NXPH1: variants seen among roughly 807,000 people sequenced by gnomAD.
NXPH1 encodes the protein neurexophilin 1.
In NXPH1, 5 loss-of-function variants were observed where a neutral mutation model predicts 23.7. That is an observed-to-expected ratio of 0.21 (90% CI 0.11 to 0.44). The LOEUF is 0.44. Among genes scored for constraint, NXPH1 ranks in the 20% least tolerant of loss-of-function variants. NXPH1 has a pLI of 0.99. For synonymous variants in NXPH1, 144 were observed against 122.2 expected, an observed-to-expected ratio of 1.18 and a Z score of -1.18; for missense variants, 324 against 321.6, an observed-to-expected ratio of 1.01 and a Z score of -0.06.
chr7:8,449,429 G>A (rs1023900405), intron 2 of NXPH1, among the ~76,000 whole-genome samples: 1 of 152,192 alleles, frequency 6.6e-6, no homozygotes, highest in Non-Finnish European at 1.5e-5. Flanking sequence ...TTTGAGGCAA[G>A]CACTGTGCCA....
intron 2 of NXPH1, among the ~76,000 whole-genome samples, chr7:8,587,117 G>T (rs1280489657): frequency 1.3e-5 from 2 of 152,028 alleles, no homozygotes; most frequent in African/African-American, 4.8e-5. Flanking sequence ...AATTCAAAAT[G>T]ACATTTCATT....
chr7:8,749,241 CTCACTCAA>C (rs1318469859), intron 2 of NXPH1, among the ~76,000 whole-genome samples: 21 of 152,316 alleles, frequency 1.4e-4, no homozygotes, highest in African/African-American at 4.6e-4. Context: ...ACCTGTTTAG[CTCACTCAA>C]TCCTCACAAA....
intron 2 of NXPH1, among the ~76,000 whole-genome samples, chr7:8,748,709 G>C (rs1562474045): frequency 6.6e-6 from 1 of 152,070 alleles, no homozygotes; most frequent in East Asian, 1.9e-4. Flanking sequence ...AGAGTTCACA[G>C]TTTTTTTTGT....
intron 2 of NXPH1, among the ~76,000 whole-genome samples, chr7:8,660,792 C>T (rs147662273): frequency 1.4e-3 from 213 of 152,174 alleles, no homozygotes; most frequent in African/African-American, 5.0e-3. Flanking sequence ...TGACACTGTA[C>T]AAGAACAAGT....
At chr7:8,624,022 A>G (rs1819936547) in intron 2 of NXPH1, among the ~76,000 whole-genome samples, 1 of 151,880 alleles carries the variant, frequency 6.6e-6, no homozygotes. Context: ...TGTGTTCAAG[A>G]TTTTTATAAT....
intron 2 of NXPH1, among the ~76,000 whole-genome samples, chr7:8,718,248 C>A (rs1178352854): frequency 1.3e-5 from 2 of 152,084 alleles, no homozygotes; most frequent in Non-Finnish European, 2.9e-5. Context: ...AGTTATGTGG[C>A]CTTCTAGCTC....
At chr7:8,502,216 T>G (rs1445267718) in intron 2 of NXPH1, among the ~76,000 whole-genome samples, 1 of 152,176 alleles carries the variant, frequency 6.6e-6, no homozygotes, top group Admixed American at 6.5e-5. Context: ...GAGTATACAT[T>G]TTTTAAATGT....
intron 2 of NXPH1, among the ~76,000 whole-genome samples, chr7:8,729,809 A>G (rs1335947582): frequency 6.6e-6 from 1 of 152,056 alleles, no homozygotes; most frequent in Non-Finnish European, 1.5e-5. Flanking sequence ...AAATAAATGT[A>G]TATTCTGTTG....
chr7:8,638,500 T>G (rs149987797), intron 2 of NXPH1, among the ~76,000 whole-genome samples: 2 of 152,318 alleles, frequency 1.3e-5, no homozygotes, highest in African/African-American at 4.8e-5. Flanking sequence ...TAAAAAGTTG[T>G]AATCCACAGT....
intron 2 of NXPH1, among the ~76,000 whole-genome samples, chr7:8,520,479 C>G (rs1331476951): frequency 1.3e-5 from 2 of 152,180 alleles, no homozygotes; most frequent in South Asian, 2.1e-4. Context: ...AATGGGAACT[C>G]TTTAAACATT....
In NXPH1 at chr7:8,693,746, C is replaced by T. The variant is rs952517109; in HGVS notation, c.55-57262C>T. On this transcript the variant is annotated intron_variant, in intron 2 of 2. Coordinates refer to ENST00000405863, the MANE Select transcript of NXPH1 (RefSeq NM_152745.3). ...ATCTTCCATTACAGAAAATCACTCC[C>T]GTACACAATGTTTATAAGTTGGTTT... is the stretch of plus-strand genomic sequence containing the variant. Among the ~76,000 whole-genome samples, 6 of 152,210 alleles carry T rather than the reference C, an allele frequency of 3.9e-5. No individual in the cohort carries two copies. The East Asian group carries it at 5.8e-4, about 15-fold the overall frequency.
chr7:8,699,796 T>A (rs540208321), intron 2 of NXPH1, among the ~76,000 whole-genome samples: 41 of 152,236 alleles, frequency 2.7e-4, no homozygotes, highest in African/African-American at 8.2e-4. Flanking sequence ...TGTGGGGCAA[T>A]CCACAATATC....
rs765424304 is a variant in NXPH1 at position 8,751,166 on chromosome 7, T to C, written c.213T>C (p.Asp71=). Residue 71 remains aspartate (D), a synonymous_variant, in exon 3 of 3, where the codon GAT becomes GAC. Coordinates refer to ENST00000405863, the MANE Select transcript of NXPH1 (RefSeq NM_152745.3). This position sits in a 1 kb window ranked among gnomAD's most constrained non-coding sequence, Gnocchi z 4.5. ...TTCGTGGCAAAGAGAATGATACAGA[T>C]TTGGACCTGAGATATGACACCCCAG... is the stretch of plus-strand genomic sequence containing the variant. ...QTFRGKENDT[D]LDLRYDTPEP... is the part of the protein sequence containing the mutation. 2 of 1,613,794 alleles carry C rather than the reference T, an allele frequency of 1.2e-6. No individual in the cohort carries two copies. Among genetic ancestry groups the C allele is most frequent in the East Asian group, 4.5e-5 (2 of 44,874 alleles).
intron 2 of NXPH1, among the ~76,000 whole-genome samples, chr7:8,599,750 G>A (rs921501772): frequency 2.6e-5 from 4 of 151,624 alleles, no homozygotes; most frequent in Non-Finnish European, 2.9e-5. Flanking sequence ...CCATTACAGA[G>A]TGCTGTTTAA....
chr7:8,459,222 A>G (rs1816649998), intron 2 of NXPH1, among the ~76,000 whole-genome samples: 1 of 152,132 alleles, frequency 6.6e-6, no homozygotes, highest in South Asian at 2.1e-4. Context: ...ACATAAAATT[A>G]TTCATTTTTA....
chr7:8,650,663 C>A (rs532744179), intron 2 of NXPH1, among the ~76,000 whole-genome samples: 14 of 152,180 alleles, frequency 9.2e-5, no homozygotes, highest in Non-Finnish European at 1.9e-4. Flanking sequence ...GCCTCTTGCT[C>A]AGTCTCTTTA....
At chr7:8,743,736 T>G (rs895452801) in intron 2 of NXPH1, among the ~76,000 whole-genome samples, 3 of 150,318 alleles carry the variant, frequency 2.0e-5, no homozygotes, top group African/African-American at 7.4e-5. Flanking sequence ...CAGGCTGGAG[T>G]GCAGTGGCGT....
intron 2 of NXPH1, among the ~76,000 whole-genome samples, chr7:8,519,770 A>C (rs1284601259): frequency 6.6e-6 from 1 of 152,212 alleles, no homozygotes; most frequent in Non-Finnish European, 1.5e-5. Flanking sequence ...AAGGCAAACA[A>C]AAGCTTATTG....
At chr7:8,656,404 G>T (rs1820582313) in intron 2 of NXPH1, among the ~76,000 whole-genome samples, 1 of 152,010 alleles carries the variant, frequency 6.6e-6, no homozygotes, top group Non-Finnish European at 1.5e-5. Flanking sequence ...CTATTAGACT[G>T]GGAGCAAGGT....
Sources: allele counts gnomAD v4.1 joint callset (sites outside exome capture counted in the v4.1 genomes callset), GRCh38; gene constraint gnomAD v4.1.1; non-coding constraint Gnocchi (gnomAD v3.1); transcripts MANE v1.5; gene names NCBI Gene and HGNC (gene_info 2026-07-23, HGNC 2026-07-21).